The following ZMYM5 variants were observed in gnomAD, a reference collection of about 807,000 sequenced individuals.
ZMYM5 encodes zinc finger MYM-type protein 5.
ZMYM5 carries 41 observed loss-of-function variants against 61.8 expected under a neutral mutation model. The ratio of observed to expected loss-of-function variants is 0.66; its 90% CI spans 0.52 to 0.86. The LOEUF is 0.86. Ranked by LOEUF, ZMYM5 falls within the 40% of genes least tolerant of loss-of-function variation. The pLI is 0.00. For missense variants in ZMYM5, 706 were observed against 786.7 expected, an observed-to-expected ratio of 0.90 and a Z score of 1.23; for synonymous variants, 257 against 276.4, an observed-to-expected ratio of 0.93 and a Z score of 0.70.
In ZMYM5 at chr13:19,840,340, C is replaced by A. The variant is rs542339130; in HGVS notation, c.587-1355G>T. ...AACCAGCCTAGGTAACAAGGCAAAA[C>A]CCCATCTCTACAAAAAATAAAATTA... On this transcript the variant is annotated intron_variant, in intron 4 of 7. Coordinates refer to ENST00000337963, the MANE Select transcript of ZMYM5 (RefSeq NM_001142684.2). Among the ~76,000 whole-genome samples, 5 of 152,286 alleles carry A rather than the reference C, an allele frequency of 3.3e-5. No homozygotes were observed. In the East Asian group the frequency reaches 9.7e-4, roughly 29 times the overall value.
intron 7 of ZMYM5, among the ~76,000 whole-genome samples, chr13:19,826,710 C>T (rs1214159258): frequency 2.0e-5 from 3 of 149,840 alleles, no homozygotes; most frequent in East Asian, 2.0e-4. Context: ...GCCAAGATCT[C>T]GCCACTGCAC....
At chr13:19,853,636 C>G (rs1229761102) in intron 2 of ZMYM5, among the ~76,000 whole-genome samples, 1 of 146,996 alleles carries the variant, frequency 6.8e-6, no homozygotes, top group East Asian at 2.0e-4. Flanking sequence ...TTTGTCCTGT[C>G]TCACTCTGTC....
chr13:19,826,161 G>C (rs1012109798), intron 7 of ZMYM5, among the ~76,000 whole-genome samples: 1 of 151,338 alleles, frequency 6.6e-6, no homozygotes, highest in African/African-American at 2.4e-5. Flanking sequence ...TTTGAAAACT[G>C]TCTGGCTCAA....
intron 4 of ZMYM5, among the ~76,000 whole-genome samples, chr13:19,844,142 A>C (rs112971810): frequency 6.6e-6 from 1 of 151,254 alleles, no homozygotes; most frequent in Non-Finnish European, 1.5e-5. Context: ...CGTCTCAAAA[A>C]AAAAAAAAAA....
intron 7 of ZMYM5, 56 bp downstream of exon 7, chr13:19,835,421 T>A (rs1952644284): frequency 5.9e-6 from 7 of 1,177,874 alleles, no homozygotes; most frequent in Non-Finnish European, 8.1e-6. Flanking sequence ...TCATGTAAGA[T>A]GTAAGGGTGA....
chr13:19,839,233 G>A (rs375625711), intron 4 of ZMYM5, among the ~76,000 whole-genome samples: 5 of 150,252 alleles, frequency 3.3e-5, no homozygotes, highest in African/African-American at 1.2e-4. Flanking sequence ...TAATGTGGTA[G>A]CCATCGGCTC....
chr13:19,851,916 T>C lies in ZMYM5; in HGVS notation c.265A>G (p.Asn89Asp). The C allele has an allele frequency of 6.2e-7, 1 of 1,613,144 alleles. No homozygotes were observed. ...QRNFIFASSK[N>D]EKPQGNYSVI... ...GAATAATTTCCTTGAGGCTTTTCAT[T>C]TTTTGATGATGCAAATATGAAGTTT... Residue 89 changes from asparagine (N) to aspartate (D), a missense_variant, in exon 3 of 8, where the codon AAT becomes GAT. By Grantham distance (23) the Asn-to-Asp change is conservative. Coordinates refer to ENST00000337963, the MANE Select transcript of ZMYM5 (RefSeq NM_001142684.2).
chr13:19,861,902 G>C (rs948686557), intron 2 of ZMYM5, among the ~76,000 whole-genome samples: 4 of 151,672 alleles, frequency 2.6e-5, no homozygotes, highest in African/African-American at 2.4e-5. Context: ...CTAACAGAGA[G>C]AGATCAGGCC....
intron 4 of ZMYM5, among the ~76,000 whole-genome samples, chr13:19,840,994 CTTTTT>C (rs377117105): frequency 7.3e-6 from 1 of 136,744 alleles, no homozygotes; most frequent in Non-Finnish European, 1.6e-5. Context: ...CCACTTTTTA[CTTTTT>C]TTTTTTTTTT....
intron 6 of ZMYM5, among the ~76,000 whole-genome samples, chr13:19,837,164 T>C (rs1157554682): frequency 1.3e-5 from 2 of 152,008 alleles, no homozygotes; most frequent in African/African-American, 4.8e-5. Context: ...CCCAAGTAGC[T>C]TGCGCCACCA....
intron 4 of ZMYM5, among the ~76,000 whole-genome samples, chr13:19,845,944 C>T (rs1953058588): frequency 6.6e-6 from 1 of 152,148 alleles, no homozygotes; most frequent in Non-Finnish European, 1.5e-5. Context: ...CCCTCCTCTC[C>T]CAGACTTTGG....
At chr13:19,826,647 C>T (rs1282731341) in intron 7 of ZMYM5, among the ~76,000 whole-genome samples, 1 of 151,238 alleles carries the variant, frequency 6.6e-6, no homozygotes, top group Non-Finnish European at 1.5e-5. Context: ...CCCAGCTACT[C>T]GGGAGGCTGA....
chr13:19,835,351 G>T, intron 7 of ZMYM5, 126 bp downstream of exon 7: 1 of 684,462 alleles, frequency 1.5e-6, no homozygotes, highest in Non-Finnish European at 2.1e-6. Context: ...ATTTGAGATG[G>T]GACAAACCAA....
At chr13:19,834,460 T>G (rs1952617110) in intron 7 of ZMYM5, among the ~76,000 whole-genome samples, 1 of 151,978 alleles carries the variant, frequency 6.6e-6, no homozygotes, top group Non-Finnish European at 1.5e-5. Context: ...TTTTAATTTT[T>G]TTTTTTTTGT....
At chr13:19,829,239 AC>A (rs1891081897) in intron 7 of ZMYM5, among the ~76,000 whole-genome samples, 2 of 152,212 alleles carry the variant, frequency 1.3e-5, no homozygotes, top group South Asian at 4.1e-4. Context: ...CTAACCACTT[AC>A]AACCTTTTAA....
At chr13:19,861,725 C>T (rs1285736529) in intron 2 of ZMYM5, among the ~76,000 whole-genome samples, 1 of 151,910 alleles carries the variant, frequency 6.6e-6, no homozygotes, top group African/African-American at 2.4e-5. Flanking sequence ...AAAAAAAAAT[C>T]ATTTTGTCAC....
chr13:19,839,756 T>A (rs962347795), intron 4 of ZMYM5, among the ~76,000 whole-genome samples: 3 of 152,188 alleles, frequency 2.0e-5, no homozygotes, highest in South Asian at 2.1e-4. Flanking sequence ...TTGTAGACAT[T>A]AGTACACTTA....
At chr13:19,839,731 T>A (rs1465755851) in intron 4 of ZMYM5, among the ~76,000 whole-genome samples, 1 of 152,214 alleles carries the variant, frequency 6.6e-6, no homozygotes, top group Non-Finnish European at 1.5e-5. Flanking sequence ...TCTCTTTCTA[T>A]GTATTTCAAG....
chr13:19,853,052 A>G (rs1178747804), intron 2 of ZMYM5, among the ~76,000 whole-genome samples: 1 of 152,158 alleles, frequency 6.6e-6, no homozygotes, highest in Non-Finnish European at 1.5e-5. Context: ...AGGTCTCACT[A>G]CATTGCCCAG....
Sources: allele counts gnomAD v4.1 joint callset (sites outside exome capture counted in the v4.1 genomes callset), GRCh38; gene constraint gnomAD v4.1.1; transcripts MANE v1.5; gene names NCBI Gene and HGNC (gene_info 2026-07-23, HGNC 2026-07-21).